Variants in CNTN5 observed in about 807,000 individuals in gnomAD.
CNTN5 encodes contactin-5.
In CNTN5, 77 loss-of-function variants were observed where a neutral mutation model predicts 129.1. The observed-to-expected ratio is 0.60, with a 90% confidence interval of 0.50 to 0.72. The LOEUF (loss-of-function observed/expected upper bound fraction) is 0.72, where lower values mean the gene tolerates loss of function less well. CNTN5 is among the 30% of genes least tolerant of loss of function. The probability of loss-of-function intolerance (pLI) is 0.00; values close to 1 mark genes in which losing one functional copy is unlikely to be tolerated. For synonymous variants in CNTN5, 509 were observed against 465.6 expected, an observed-to-expected ratio of 1.09 and a Z score of -1.20; for missense variants, 1,478 against 1,328.8, an observed-to-expected ratio of 1.11 and a Z score of -1.75.
intron 1 of CNTN5, among the ~76,000 whole-genome samples, chr11:99,232,430 A>G (rs890563805): frequency 6.6e-6 from 1 of 152,148 alleles, no homozygotes; most frequent in Non-Finnish European, 1.5e-5. Flanking sequence ...ATTGGAATTC[A>G]TTCATGATTT....
intron 1 of CNTN5, among the ~76,000 whole-genome samples, chr11:99,147,130 A>G (rs146015732): frequency 2.6e-5 from 4 of 152,326 alleles, no homozygotes; most frequent in African/African-American, 9.6e-5. Flanking sequence ...TTCCAACCCT[A>G]AGACTTAAAC....
At chr11:99,654,057 A>G (rs2135891051) in intron 3 of CNTN5, among the ~76,000 whole-genome samples, 1 of 152,216 alleles carries the variant, frequency 6.6e-6, no homozygotes, top group Non-Finnish European at 1.5e-5. Flanking sequence ...TTTACCCTTC[A>G]GTGATGATAA....
intron 13 of CNTN5, among the ~76,000 whole-genome samples, chr11:100,130,477 A>G (rs898189528): frequency 2.0e-5 from 3 of 152,152 alleles, no homozygotes; most frequent in Admixed American, 6.6e-5. Context: ...ATATGTATAA[A>G]AGTACTGAAG....
chr11:99,811,947 T>C (rs1591232118), intron 3 of CNTN5, among the ~76,000 whole-genome samples: 1 of 152,118 alleles, frequency 6.6e-6, no homozygotes, highest in East Asian at 1.9e-4. Flanking sequence ...TGAAAATTTT[T>C]CTCTGAAAAG....
intron 4 of CNTN5, among the ~76,000 whole-genome samples, chr11:99,830,741 A>T (rs765337023): frequency 6.6e-6 from 1 of 152,148 alleles, no homozygotes; most frequent in Non-Finnish European, 1.5e-5. Context: ...CTGCTATTGT[A>T]GTCTTAATTT....
intron 18 of CNTN5, among the ~76,000 whole-genome samples, chr11:100,274,187 G>A (rs1219043354): frequency 2.6e-5 from 4 of 152,130 alleles, no homozygotes; most frequent in South Asian, 2.1e-4. Context: ...GATTGAAACT[G>A]GACCACTTCC....
At chr11:100,189,883 T>C (rs1948423493) in intron 13 of CNTN5, among the ~76,000 whole-genome samples, 1 of 152,136 alleles carries the variant, frequency 6.6e-6, no homozygotes, top group Non-Finnish European at 1.5e-5. Flanking sequence ...TTCTTACACA[T>C]CATAAATCAA....
At chr11:100,065,601 C>T (rs529565615) in intron 10 of CNTN5, among the ~76,000 whole-genome samples, 2 of 152,040 alleles carry the variant, frequency 1.3e-5, no homozygotes, top group South Asian at 2.1e-4. Flanking sequence ...TACCCCAGGA[C>T]CCATTAATAA....
chr11:99,706,151 G>T (rs1484119448), intron 3 of CNTN5, among the ~76,000 whole-genome samples: 7 of 151,360 alleles, frequency 4.6e-5, no homozygotes, highest in Non-Finnish European at 1.0e-4. Flanking sequence ...ATAAAAGAGG[G>T]ACTAGATACA....
At chr11:100,340,980 A>C in intron 22 of CNTN5, 113 bp from the exon 23 acceptor site, 1 of 782,954 alleles carries the variant, frequency 1.3e-6, no homozygotes, top group Middle Eastern at 2.5e-4. Context: ...AAGGAAGCCT[A>C]GATTGCCAGC....
chr11:100,002,374 A>T (rs1939930430), intron 9 of CNTN5, among the ~76,000 whole-genome samples: 1 of 152,156 alleles, frequency 6.6e-6, no homozygotes, highest in African/African-American at 2.4e-5. Flanking sequence ...AAACTTCTTT[A>T]ATGAATAAAA....
chr11:99,865,177 T>G (rs1316689146), intron 6 of CNTN5, among the ~76,000 whole-genome samples: 1 of 152,162 alleles, frequency 6.6e-6, no homozygotes, highest in Non-Finnish European at 1.5e-5. Flanking sequence ...ATAACCTCCT[T>G]CCTTCTGTGC....
intron 1 of CNTN5, among the ~76,000 whole-genome samples, chr11:99,112,016 A>T (rs1857821094): frequency 6.6e-6 from 1 of 152,064 alleles, no homozygotes; most frequent in Non-Finnish European, 1.5e-5. Flanking sequence ...TTCTCCCACA[A>T]ATAAGTCATC....
intron 15 of CNTN5, among the ~76,000 whole-genome samples, chr11:100,215,942 T>C (rs908947346): frequency 6.6e-6 from 1 of 152,138 alleles, no homozygotes. Context: ...TCAGCCTCCC[T>C]CCTCTATGAG....
At chr11:99,494,511 T>C (rs1232677421) in intron 2 of CNTN5, among the ~76,000 whole-genome samples, 1 of 152,190 alleles carries the variant, frequency 6.6e-6, no homozygotes, top group Non-Finnish European at 1.5e-5. Context: ...AAAATCTTGT[T>C]ACTTTCTTGT....
chr11:100,059,112 A>G (rs539983864), intron 9 of CNTN5, among the ~76,000 whole-genome samples: 1 of 152,360 alleles, frequency 6.6e-6, no homozygotes, highest in South Asian at 2.1e-4. Context: ...GCAGATTCAC[A>G]TATGTGGGAA....
At chr11:99,155,262 C>T (rs1243783545) in intron 1 of CNTN5, among the ~76,000 whole-genome samples, 1 of 152,212 alleles carries the variant, frequency 6.6e-6, no homozygotes, top group African/African-American at 2.4e-5. Context: ...TGAAGATTTG[C>T]TCAAAGTGTG....
At chr11:99,822,520 A>G (rs1229118059) in intron 4 of CNTN5, among the ~76,000 whole-genome samples, 1 of 152,202 alleles carries the variant, frequency 6.6e-6, no homozygotes, top group Non-Finnish European at 1.5e-5. Context: ...CAATGGAAAA[A>G]TATATCCTAT....
chr11:99,342,511 G>T (rs1866557956), intron 2 of CNTN5, among the ~76,000 whole-genome samples: 2 of 139,534 alleles, frequency 1.4e-5, no homozygotes, highest in African/African-American at 5.6e-5. Context: ...GAGGTTGGTG[G>T]ATCACTTGAG....
Sources: gnomAD v4.1 joint callset for allele counts (sites outside exome capture counted in the v4.1 genomes callset) on GRCh38, gnomAD v4.1.1 for gene constraint, MANE v1.5 for transcripts, NCBI Gene and HGNC (gene_info 2026-07-23, HGNC 2026-07-21) for gene names.